The following ARMH3 variants were observed in gnomAD, a reference collection of about 807,000 sequenced individuals.
ARMH3 encodes the protein armadillo like helical domain containing 3, also known as armadillo-like helical domain-containing protein 3.
ARMH3 carries 60 observed loss-of-function variants against 99.1 expected under a neutral mutation model. The observed-to-expected ratio is 0.61, with a 90% CI of 0.49 to 0.75. The LOEUF (loss-of-function observed/expected upper bound fraction) is 0.75, where lower values mean the gene tolerates loss of function less well. Among genes scored for constraint, ARMH3 ranks in the 30% least tolerant of loss-of-function variants. ARMH3 has a pLI of 0.00. For synonymous variants in ARMH3, 285 were observed against 292.8 expected, an observed-to-expected ratio of 0.97 and a Z score of 0.27; for missense variants, 679 against 843.1, an observed-to-expected ratio of 0.81 and a Z score of 2.41.
chr10:101,944,552 G>A (rs894473965), intron 22 of ARMH3, among the ~76,000 whole-genome samples: 6 of 152,028 alleles, frequency 3.9e-5, no homozygotes, highest in Admixed American at 6.6e-5. Context: ...GGTTACTCAC[G>A]CTTGTAATCC....
At chr10:102,035,633 T>C (rs1002306355) in intron 2 of ARMH3, among the ~76,000 whole-genome samples, 5 of 152,262 alleles carry the variant, frequency 3.3e-5, no homozygotes, top group Non-Finnish European at 7.3e-5. Context: ...CTCCAGCTCC[T>C]AACCGCGAGT....
intron 23 of ARMH3, among the ~76,000 whole-genome samples, chr10:101,901,389 C>A (rs982725303): frequency 6.6e-6 from 1 of 152,062 alleles, no homozygotes; most frequent in Non-Finnish European, 1.5e-5. Flanking sequence ...AGGCAATCAG[C>A]AAGTCTGCCA....
intron 22 of ARMH3, among the ~76,000 whole-genome samples, chr10:101,942,740 C>G (rs1049785856): frequency 6.6e-6 from 1 of 152,096 alleles, no homozygotes; most frequent in African/African-American, 2.4e-5. Flanking sequence ...GTGGCACATG[C>G]CAGTAGTCCC....
chr10:101,997,190 A>G, intron 15 of ARMH3, among the ~76,000 whole-genome samples: 1 of 151,686 alleles, frequency 6.6e-6, no homozygotes, highest in South Asian at 2.1e-4. Context: ...GCTTGAATCC[A>G]CAAGGCAGAG....
chr10:101,880,781 C>T (rs921793922), intron 24 of ARMH3, among the ~76,000 whole-genome samples: 2 of 152,166 alleles, frequency 1.3e-5, no homozygotes, highest in African/African-American at 4.8e-5. Flanking sequence ...CAAGATCTTT[C>T]TGTTCTTCTC....
intron 23 of ARMH3, among the ~76,000 whole-genome samples, chr10:101,936,649 C>T (rs960828055): frequency 1.3e-5 from 2 of 151,674 alleles, no homozygotes; most frequent in African/African-American, 4.8e-5. Context: ...GCAATTCCTC[C>T]TCTGGGGATA....
intron 20 of ARMH3, among the ~76,000 whole-genome samples, chr10:101,967,454 C>T (rs749703673): frequency 6.6e-6 from 1 of 152,140 alleles, no homozygotes. Flanking sequence ...TTTAAAAATA[C>T]TCAGCCAGAT....
At chr10:101,950,686 G>T (rs1590071916) in intron 22 of ARMH3, among the ~76,000 whole-genome samples, 1 of 152,166 alleles carries the variant, frequency 6.6e-6, no homozygotes, top group Admixed American at 6.6e-5. Context: ...CAAAATAAAA[G>T]AAGCCAGTCA....
intron 23 of ARMH3, among the ~76,000 whole-genome samples, chr10:101,909,474 T>TC (rs1249002692): frequency 7.1e-6 from 1 of 141,728 alleles, no homozygotes; most frequent in African/African-American, 2.7e-5. Flanking sequence ...TTTTTTTTTT[T>TC]TTTTTTTTTT....
chr10:101,981,333 C>T (rs1846224917), intron 19 of ARMH3, among the ~76,000 whole-genome samples: 1 of 152,110 alleles, frequency 6.6e-6, no homozygotes, highest in African/African-American at 2.4e-5. Context: ...ATTAAAATGC[C>T]TAACAACTGA....
chr10:102,046,304 G>GAAAGAGAGA (rs771972394), intron 1 of ARMH3, among the ~76,000 whole-genome samples: 2 of 142,866 alleles, frequency 1.4e-5, no homozygotes, highest in Non-Finnish European at 3.1e-5. Flanking sequence ...AAGAAAGAGA[G>GAAAGAGAGA]AAAGAGAGAA....
intron 9 of ARMH3, among the ~76,000 whole-genome samples, chr10:102,013,317 T>G (rs977567954): frequency 6.6e-6 from 1 of 152,206 alleles, no homozygotes; most frequent in African/African-American, 2.4e-5. Flanking sequence ...TAAAGGCAAG[T>G]AGCATTCAAT....
intron 4 of ARMH3, 179 bp downstream of exon 4, chr10:102,032,847 G>A (rs189754927): frequency 1.0e-4 from 64 of 619,350 alleles, no homozygotes; most frequent in Admixed American, 5.1e-4. Flanking sequence ...ACTCCTAAGT[G>A]TCAATTTGTA....
intron 24 of ARMH3, among the ~76,000 whole-genome samples, chr10:101,874,149 G>C (rs2067201979): frequency 6.6e-6 from 1 of 152,154 alleles, no homozygotes; most frequent in South Asian, 2.1e-4. Context: ...CCCAGACTTG[G>C]GGTGAGGACT....
chr10:101,979,714 T>C (rs912919209), intron 19 of ARMH3, among the ~76,000 whole-genome samples: 1 of 152,242 alleles, frequency 6.6e-6, no homozygotes, highest in African/African-American at 2.4e-5. Flanking sequence ...TTCACGGCAA[T>C]GTTCATTTCA....
intron 19 of ARMH3, among the ~76,000 whole-genome samples, chr10:101,979,059 G>A (rs957168009): frequency 6.6e-6 from 1 of 152,026 alleles, no homozygotes; most frequent in South Asian, 2.1e-4. Context: ...CAGGAGGATC[G>A]CCTGAGCTCC....
rs1325473665 is a variant in ARMH3, at chr10:102,023,537, C to A, written c.609G>T (p.Arg203Ser). 1 of 1,614,082 alleles carries A rather than the reference C, an allele frequency of 6.2e-7. No individual in the cohort carries two copies. The highest frequency in any genetic ancestry group is 8.5e-7 in the Non-Finnish European group (1 of 1,180,016). Reference protein sequence around the residue: ...LQILSHPPSRREHGYDAVVLL... With the variant: ...LQILSHPPSRSEHGYDAVVLL... ...GGACGACAGCATCATACCCATGCTC[C>A]CTACGACTTGGGGGATGGGAAAGTA... Residue 203 changes from arginine to serine, a missense_variant, in exon 8 of 26, where the codon AGG becomes AGT. Arg to Ser is a moderately radical substitution (Grantham distance 110). This residue lies in a region of ARMH3 where 280 missense variants were observed against 354.6 expected (regional missense o/e 0.79). Coordinates refer to ENST00000370033, the MANE Select transcript of ARMH3 (RefSeq NM_024541.3).
At chr10:101,874,682 GTTCTGCTTTTGCCTTTT>G (rs2067218124) in intron 24 of ARMH3, among the ~76,000 whole-genome samples, 1 of 152,124 alleles carries the variant, frequency 6.6e-6, no homozygotes, top group African/African-American at 2.4e-5. Flanking sequence ...CCTAACGAGG[GTTCTGCTTTTGCCTTTT>G]TTATGAAACT....
chr10:101,853,655 C>T (rs2066662310), intron 24 of ARMH3, among the ~76,000 whole-genome samples: 4 of 152,144 alleles, frequency 2.6e-5, no homozygotes, highest in South Asian at 2.1e-4. Flanking sequence ...TTTCATCGGC[C>T]GTTGGGCTTG....
Sources: allele counts gnomAD v4.1 joint callset (sites outside exome capture counted in the v4.1 genomes callset), GRCh38; gene constraint gnomAD v4.1.1; regional missense constraint gnomAD v4.1.1; transcripts MANE v1.5; gene names NCBI Gene and HGNC (gene_info 2026-07-23, HGNC 2026-07-21).